GALNT9: variants seen among roughly 807,000 people sequenced by gnomAD.
GALNT9 encodes GalNAc transferase 9.
In GALNT9, 47 loss-of-function variants were observed where a neutral mutation model predicts 63.1. That is an observed-to-expected ratio of 0.75 (90% CI 0.59 to 0.95). GALNT9 has a LOEUF of 0.95. GALNT9 is among the 40% of genes least tolerant of loss of function. The probability of loss-of-function intolerance (pLI) is 0.00; values close to 1 mark genes in which losing one functional copy is unlikely to be tolerated. For synonymous variants in GALNT9, 396 were observed against 365.7 expected (o/e 1.08, Z -0.94); for missense variants, 829 against 874.8 (o/e 0.95, Z 0.66).
Position 132,197,045 on chromosome 12 carries a change from C to T in GALNT9, c.*62G>A, listed in dbSNP as rs1875553186. The T allele has an allele frequency of 2.5e-6, 4 of 1,594,050 alleles. No homozygotes were observed. Among genetic ancestry groups the T allele is most frequent in the Non-Finnish European group, 3.4e-6 (4 of 1,167,860 alleles). ...GTCTGCCGGGCACACCCCGGTCACT[C>T]AGCCACACTGGCTCGGCCCAGCGCC... On this transcript the variant is annotated 3_prime_UTR_variant, in exon 11 of 11. Coordinates refer to ENST00000328957, the MANE Select transcript of GALNT9 (RefSeq NM_001122636.2).
At chr12:132,239,537 GAC>G (rs1332019162) in intron 6 of GALNT9, among the ~76,000 whole-genome samples, 6 of 150,426 alleles carry the variant, frequency 4.0e-5, no homozygotes, top group African/African-American at 1.5e-4. Flanking sequence ...GATACAGAGA[GAC>G]AGAGTCAGAG....
At chr12:132,304,103 A>G (rs192890008) in intron 1 of GALNT9, among the ~76,000 whole-genome samples, 7 of 22,816 alleles carry the variant, frequency 3.1e-4, no homozygotes, top group Admixed American at 5.3e-4. Context: ...ACCCTCACCC[A>G]GACACAGCCT....
At chr12:132,247,817 G>C (rs541137965) in intron 6 of GALNT9, 93 bp downstream of exon 6, 1 of 1,504,252 alleles carries the variant, frequency 6.6e-7, no homozygotes, top group Non-Finnish European at 8.9e-7. Context: ...CCCCGTCCCC[G>C]GACACCGCGG....
intron 1 of GALNT9, among the ~76,000 whole-genome samples, chr12:132,320,095 C>T (rs919982475): frequency 2.0e-5 from 3 of 152,266 alleles, no homozygotes; most frequent in African/African-American, 4.8e-5. Context: ...ACAGGGCTGG[C>T]GAGCCTCAAG....
intron 2 of GALNT9, among the ~76,000 whole-genome samples, chr12:132,270,374 G>A (rs908867876): frequency 2.6e-5 from 4 of 152,242 alleles, no homozygotes; most frequent in Non-Finnish European, 5.9e-5. Flanking sequence ...AGGCTTCACA[G>A]AGCCCTGCCC....
rs1875593436 is a variant in GALNT9 at position 132,197,405 on chromosome 12, G to C, written c.1666-152C>G. ...CAGCATCACAGCAGCACCCAGGGGGGCCGGGAAGGGGCTGACTTCAGTGGA... is the reference window on the plus strand; with the variant it reads ...CAGCATCACAGCAGCACCCAGGGGGCCCGGGAAGGGGCTGACTTCAGTGGA... On this transcript the variant is annotated intron_variant, in intron 10 of 10. Coordinates refer to ENST00000328957, the MANE Select transcript of GALNT9 (RefSeq NM_001122636.2). 3 of 1,153,830 alleles carry C rather than the reference G, an allele frequency of 2.6e-6. No homozygotes were observed. The South Asian group carries it at 4.7e-5, about 18-fold the overall frequency. 71.5% of individuals were successfully genotyped at this position (1,153,830 alleles called of 1,614,324 possible).
Position 132,203,610 on chromosome 12 carries a change from G to T in GALNT9, c.1158C>A (p.Asn386Lys). 6.2e-7 allele frequency: 1 copy of T among 1,613,930 alleles called. No homozygotes were observed. ...AHIERTRKPY[N>K]NDIDYYAKRN... Reference sequence around the variant, plus strand: ...GCTTGGCATAGTAGTCAATGTCGTTGTTGTAGGGCTTCCTGGTGCGCTCGA... The same window carrying T: ...GCTTGGCATAGTAGTCAATGTCGTTTTTGTAGGGCTTCCTGGTGCGCTCGA... Residue 386 changes from asparagine (N) to lysine (K), a missense_variant, in exon 7 of 11, where the codon AAC (asparagine) becomes AAA (lysine). Physicochemically the swap from Asn to Lys is moderately conservative, Grantham distance 94. Transcript: ENST00000328957.
At chr12:132,240,656 C>T (rs1166616520) in intron 6 of GALNT9, 2 of 454,114 alleles carry the variant, frequency 4.4e-6, no homozygotes, top group African/African-American at 2.0e-5. Flanking sequence ...CTCCTCTTCA[C>T]TCTCTGCCGT....
rs1474971662 is a variant in GALNT9 at position 132,196,385 on chromosome 12, CAATAAAACTGTATTTATTA to C, written c.*703_*721del. 4 of 961,468 alleles carry C rather than the reference CAATAAAACTGTATTTATTA, an allele frequency of 4.2e-6. No individual in the cohort carries two copies. The Admixed American group carries it at 2.5e-4, about 59-fold the overall frequency. 59.6% of individuals were successfully genotyped at this position (961,468 alleles called of 1,614,324 possible). On this transcript the variant is annotated 3_prime_UTR_variant, in exon 11 of 11. Coordinates refer to ENST00000328957, the MANE Select transcript of GALNT9 (RefSeq NM_001122636.2). The stretch of plus-strand genomic sequence containing the variant: ...TAAGCAACTGGGTGTGGCTGGGCGC[CAATAAAACTGTATTTATTA>C]AAACAGGCAAGGGGCTGGGCTGCGG...
At chr12:132,271,848 C>T (rs981933342) in intron 2 of GALNT9, among the ~76,000 whole-genome samples, 3 of 151,986 alleles carry the variant, frequency 2.0e-5, no homozygotes, top group Admixed American at 6.6e-5. Flanking sequence ...CAGGAGGGCC[C>T]GTCCCCCGTG....
intron 6 of GALNT9, among the ~76,000 whole-genome samples, chr12:132,205,047 G>A (rs759784696): frequency 2.6e-5 from 4 of 152,124 alleles, no homozygotes; most frequent in African/African-American, 7.2e-5. Flanking sequence ...AGGGGCGCAC[G>A]GGGTGGAGCC....
intron 2 of GALNT9, among the ~76,000 whole-genome samples, chr12:132,269,746 G>C (rs1461375444): frequency 1.3e-5 from 2 of 152,246 alleles, no homozygotes; most frequent in Non-Finnish European, 2.9e-5. Context: ...CGTGGGGCCG[G>C]ATCCCGGTGG....
chr12:132,298,113 C>T (rs370536444), intron 1 of GALNT9, among the ~76,000 whole-genome samples: 7 of 152,072 alleles, frequency 4.6e-5, no homozygotes, highest in Admixed American at 1.3e-4. Context: ...CAAGTCATTC[C>T]CAAGATACCT....
Position 132,282,427 on chromosome 12 carries a change from G to GCGTGCA in GALNT9, c.419+3822_419+3823insTGCACG. Among the ~76,000 whole-genome samples, 1 of 152,202 alleles carries GCGTGCA rather than the reference G, an allele frequency of 6.6e-6. No homozygotes were observed. The highest frequency in any genetic ancestry group is 2.4e-5 in the African/African-American group (1 of 41,508). On this transcript the variant is annotated intron_variant, in intron 2 of 10. Transcript: ENST00000328957. The surrounding 1 kb of genome is among the most constrained non-coding windows in gnomAD (Gnocchi z 4.5). ...CGCGTGTGTGCGTGTGTGTGCGTGT[G>GCGTGCA]TGCGTGCATGCGTGTGTGTGCGTGT...
chr12:132,267,766 T>TGCACACACACAC (rs1879665978), intron 2 of GALNT9, among the ~76,000 whole-genome samples: 2 of 139,812 alleles, frequency 1.4e-5, no homozygotes, highest in African/African-American at 6.2e-5. Flanking sequence ...CACACACACA[T>TGCACACACACAC]GCACTCACAC....
At position 132,205,121 on chromosome 12, in the gene GALNT9, G is replaced by A. The variant is rs571925406; in HGVS notation, c.1078-1431C>T. 6.0e-4 allele frequency among the ~76,000 whole-genome samples: 92 copies of A among 152,252 alleles called. 4 individuals carry two copies. In the South Asian group the frequency reaches 0.019, roughly 32 times the overall value. The stretch of plus-strand genomic sequence containing the variant: ...ACTCTGGTTCATCCTCGTCCAGGCT[G>A]CTCTCATCTCCAGGCCGTTATCTTA... On this transcript the variant is annotated intron_variant, in intron 6 of 10. Coordinates refer to ENST00000328957, the MANE Select transcript of GALNT9 (RefSeq NM_001122636.2).
At chr12:132,325,797 A>G (rs1180002701) in intron 1 of GALNT9, among the ~76,000 whole-genome samples, 6 of 152,236 alleles carry the variant, frequency 3.9e-5, no homozygotes, top group African/African-American at 1.2e-4. Context: ...CCTCCCTCAC[A>G]ACCAACCAAC....
At chr12:132,266,962 C>A (rs894541252) in intron 2 of GALNT9, among the ~76,000 whole-genome samples, 4 of 152,256 alleles carry the variant, frequency 2.6e-5, no homozygotes, top group Non-Finnish European at 5.9e-5. Context: ...AGCATCCTGG[C>A]GTCTCTGAGA....
chr12:132,300,448 G>C, intron 1 of GALNT9, among the ~76,000 whole-genome samples: 1 of 137,506 alleles, frequency 7.3e-6, no homozygotes, highest in Non-Finnish European at 1.6e-5. Flanking sequence ...AGATAACCAA[G>C]CCACTGCTGA....
Sources: gnomAD v4.1 joint callset for allele counts (sites outside exome capture counted in the v4.1 genomes callset) on GRCh38, gnomAD v4.1.1 for gene constraint, Gnocchi (gnomAD v3.1) non-coding constraint, MANE v1.5 for transcripts, NCBI Gene and HGNC (gene_info 2026-07-23, HGNC 2026-07-21) for gene names.